The following TNFRSF8 variants were observed in gnomAD, a reference collection of about 807,000 sequenced individuals.
TNFRSF8 encodes TNF receptor superfamily member 8, also known as tumor necrosis factor receptor superfamily member 8.
A neutral mutation model predicts 70.8 loss-of-function variants in TNFRSF8; 26 were observed. The observed-to-expected ratio is 0.37, with a 90% confidence interval of 0.27 to 0.51. The LOEUF (loss-of-function observed/expected upper bound fraction) is 0.51, where lower values mean the gene tolerates loss of function less well. Among genes scored for constraint, TNFRSF8 ranks in the 20% least tolerant of loss-of-function variants. TNFRSF8 has a pLI of 0.94. For synonymous variants in TNFRSF8, 356 were observed against 339.2 expected (o/e 1.05, Z -0.54); for missense variants, 720 against 807.9 (o/e 0.89, Z 1.32).
chr1:12,068,998 A>G (rs370280909), intron 1 of TNFRSF8, among the ~76,000 whole-genome samples: 1 of 151,352 alleles, frequency 6.6e-6, no homozygotes, highest in East Asian at 1.9e-4. Flanking sequence ...CAGCCTCCCA[A>G]GTAGCTGGGA....
intron 4 of TNFRSF8, among the ~76,000 whole-genome samples, chr1:12,105,527 CCTCTCTCT>C (rs36180612): frequency 0.014 from 2,035 of 145,940 alleles, 47 homozygotes; most frequent in African/African-American, 0.048. Flanking sequence ...TGAATCTGAT[CCTCTCTCT>C]CTCTCTCTCT....
chr1:12,067,951 G>T (rs1640771923), intron 1 of TNFRSF8, among the ~76,000 whole-genome samples: 1 of 151,530 alleles, frequency 6.6e-6, no homozygotes, highest in Admixed American at 6.6e-5. Context: ...TGGAAGGAGG[G>T]TCTGGCTTGT....
chr1:12,123,224 C>A, intron 8 of TNFRSF8, 60 bp from the exon 9 acceptor site: 1 of 1,476,218 alleles, frequency 6.8e-7, no homozygotes, highest in Middle Eastern at 1.7e-4. Flanking sequence ...CTGGTTAACT[C>A]TTTCCTGGAG....
At chr1:12,124,366 G>A (rs17422381) in intron 10 of TNFRSF8, among the ~76,000 whole-genome samples, 54,468 of 151,948 alleles carry the variant, frequency 0.36, 10,149 homozygotes, top group Admixed American at 0.5. Context: ...CTTCATCCTC[G>A]TGGCTTATAA....
intron 3 of TNFRSF8, among the ~76,000 whole-genome samples, chr1:12,103,129 C>T (rs866696501): frequency 4.6e-5 from 7 of 151,802 alleles, no homozygotes; most frequent in African/African-American, 1.5e-4. Flanking sequence ...TTTGGGAGGC[C>T]GAGGCGGGTG....
intron 2 of TNFRSF8, among the ~76,000 whole-genome samples, chr1:12,092,275 C>CTGAAGTGA (rs1224355812): frequency 1.3e-5 from 2 of 151,546 alleles, no homozygotes; most frequent in Non-Finnish European, 2.9e-5. Context: ...AACTCCTGGG[C>CTGAAGTGA]TGAAGTGATC....
chr1:12,138,066 A>C lies in TNFRSF8; in HGVS notation c.1336-163A>C, dbSNP rs1271190718. The stretch of plus-strand genomic sequence containing the variant: ...GTACAAATTAAAAGCAACAGACTTC[A>C]CCCAGAAAGCTGAGAAGCCCGGGGC... On this transcript the variant is annotated intron_variant, in intron 13 of 14. Transcript: ENST00000263932. The surrounding 1 kb of genome is among the most constrained non-coding windows in gnomAD (Gnocchi z 5.7). Among the ~76,000 whole-genome samples the C allele has an allele frequency of 6.6e-6, 1 of 151,916 alleles. No individual in the cohort carries two copies. The highest frequency in any genetic ancestry group is 1.5e-5 in the Non-Finnish European group (1 of 67,976).
At chr1:12,126,274 G>T (rs776786120) in intron 12 of TNFRSF8, 38 bp downstream of exon 12, 17 of 1,613,426 alleles carry the variant, frequency 1.1e-5, no homozygotes, top group Non-Finnish European at 1.4e-5. Flanking sequence ...GCCCGAGCCA[G>T]AGGAACACAG....
chr1:12,094,580 T>G (rs1641297676), intron 2 of TNFRSF8, among the ~76,000 whole-genome samples: 1 of 151,454 alleles, frequency 6.6e-6, no homozygotes, highest in Non-Finnish European at 1.5e-5. Flanking sequence ...ACTACTGAAG[T>G]GTCTGAGTTA....
In TNFRSF8 at chr1:12,109,306, T is replaced by G. The variant is rs919305879; in HGVS notation, c.422-260T>G. 6.6e-6 allele frequency among the ~76,000 whole-genome samples: 1 copy of G among 152,162 alleles called. No homozygotes were observed. The highest frequency in any genetic ancestry group is 2.4e-5 in the African/African-American group (1 of 41,436). The stretch of plus-strand genomic sequence containing the variant: ...GATTGATTGGTCCAGCCTGGTCTCA[T>G]GGCCACTCGGGAAAGGGGGTTCAGT... On this transcript the variant is annotated intron_variant, in intron 4 of 14. Transcript: ENST00000263932. The surrounding 1 kb of genome is among the most constrained non-coding windows in gnomAD (Gnocchi z 4.4).
intron 12 of TNFRSF8, among the ~76,000 whole-genome samples, chr1:12,135,053 C>T (rs978196928): frequency 1.3e-5 from 2 of 151,966 alleles, no homozygotes; most frequent in African/African-American, 2.4e-5. Flanking sequence ...TGGTGGCTCA[C>T]GCCTGTAATC....
intron 1 of TNFRSF8, among the ~76,000 whole-genome samples, chr1:12,064,390 GA>G (rs1640701875): frequency 6.6e-6 from 1 of 152,164 alleles, no homozygotes; most frequent in Non-Finnish European, 1.5e-5. Flanking sequence ...ACTGTGGGGA[GA>G]ATGCAAAGTA....
chr1:12,132,654 A>G (rs933513650), intron 12 of TNFRSF8, among the ~76,000 whole-genome samples: 1 of 152,096 alleles, frequency 6.6e-6, no homozygotes, highest in Non-Finnish European at 1.5e-5. Context: ...CCTGGCCAAC[A>G]TGGTGAAACC....
At chr1:12,115,456 G>A (rs1218671033) in intron 7 of TNFRSF8, 121 bp from the exon 8 acceptor site, 2 of 1,080,236 alleles carry the variant, frequency 1.9e-6, no homozygotes, top group African/African-American at 1.6e-5. Flanking sequence ...AGTCAGACGA[G>A]CATTTATTTT....
At chr1:12,096,689 A>G (rs1269646590) in intron 2 of TNFRSF8, among the ~76,000 whole-genome samples, 1 of 152,178 alleles carries the variant, frequency 6.6e-6, no homozygotes, top group African/African-American at 2.4e-5. Context: ...TACTTTATAC[A>G]TATTTATCTT....
chr1:12,074,479 T>C (rs116756176), intron 1 of TNFRSF8, among the ~76,000 whole-genome samples: 2,012 of 151,878 alleles, frequency 0.013, 42 homozygotes, highest in African/African-American at 0.046. Flanking sequence ...GGGGTTTCGC[T>C]GTATTGGCCA....
At chr1:12,081,935 T>A (rs1641071039) in intron 1 of TNFRSF8, among the ~76,000 whole-genome samples, 2 of 152,124 alleles carry the variant, frequency 1.3e-5, no homozygotes, top group Non-Finnish European at 2.9e-5. Flanking sequence ...CTACAAGGCT[T>A]CCTCCCTGCC....
rs376461041 is a variant in TNFRSF8, at chr1:12,125,976, G to T, written c.1179G>T (p.Leu393=). The change falls in exon 11 of 15, where the codon CTG becomes CTT. Residue 393 remains leucine, a synonymous_variant. Transcript: ENST00000263932. ...DAGPVLFWVI[L]VLVVVVGSSA... Reference sequence around the variant, plus strand: ...GGCCAGTGCTCTTCTGGGTGATCCTGGTGTTGGTTGTGGTGGTCGGCTCCA... The same window carrying T: ...GGCCAGTGCTCTTCTGGGTGATCCTTGTGTTGGTTGTGGTGGTCGGCTCCA... The T allele has an allele frequency of 6.2e-7, 1 of 1,614,190 alleles. No individual in the cohort carries two copies. Among genetic ancestry groups the T allele is most frequent in the South Asian group, 1.1e-5 (1 of 91,086 alleles).
chr1:12,063,695 G>A lies in TNFRSF8; in HGVS notation c.63+34G>A. ...GTGACGGGCGCCTGGGGAGGTGCCG[G>A]CGGTCCAGAGCCCGGACAGTGTGGG... On this transcript the variant is annotated intron_variant, in intron 1 of 14. Coordinates refer to ENST00000263932, the MANE Select transcript of TNFRSF8 (RefSeq NM_001243.5). The surrounding 1 kb of genome is among the most constrained non-coding windows in gnomAD (Gnocchi z 7.2). 7.9e-7 allele frequency: 1 copy of A among 1,265,730 alleles called. No individual in the cohort carries two copies. The highest frequency in any genetic ancestry group is 1.0e-6 in the Non-Finnish European group (1 of 996,654). The allele number at this position is 1,265,730 out of a possible 1,614,324, so 78.4% of individuals were successfully genotyped here.
Sources: gnomAD v4.1 joint callset for allele counts (sites outside exome capture counted in the v4.1 genomes callset) on GRCh38, gnomAD v4.1.1 for gene constraint, Gnocchi (gnomAD v3.1) non-coding constraint, MANE v1.5 for transcripts, NCBI Gene and HGNC (gene_info 2026-07-23, HGNC 2026-07-21) for gene names.